The following MUC4 variants were observed in gnomAD, a reference collection of about 807,000 sequenced individuals.
MUC4 encodes the protein mucin-4.
Under a neutral mutation model 257.9 loss-of-function variants are expected in MUC4, and 202 were observed. The ratio of observed to expected loss-of-function variants is 0.78; its 90% confidence interval spans 0.70 to 0.88. The LOEUF (loss-of-function observed/expected upper bound fraction) is 0.88, where lower values mean the gene tolerates loss of function less well. MUC4 is among the 40% of genes least tolerant of loss of function. The pLI is 0.00. For missense variants in MUC4, 5,976 were observed against 6,513.7 expected (o/e 0.92, Z 2.84); for synonymous variants, 2,351 against 2,757.1 (o/e 0.85, Z 4.62).
At chr3:195,754,819 T>C (rs572943798) in intron 18 of MUC4, among the ~76,000 whole-genome samples, 31 of 18,092 alleles carry the variant, frequency 1.7e-3, no homozygotes, top group Middle Eastern at 0.029. Context: ...TGTATCCATG[T>C]GTGTATCCAT....
chr3:195,757,031 C>T lies in MUC4; in HGVS notation c.15168+116G>A, dbSNP rs895854887. ...AATCTGCTCTACTCACCTACCACTG[C>T]TCCACCCATCTCCCAACACAGACAC... On this transcript the variant is annotated intron_variant, in intron 18 of 24. Coordinates refer to ENST00000463781, the MANE Select transcript of MUC4 (RefSeq NM_018406.7). This position sits in a 1 kb window ranked among gnomAD's most constrained non-coding sequence, Gnocchi z 4.8. 4.7e-6 allele frequency: 5 copies of T among 1,067,462 alleles called. No homozygotes were observed. Among genetic ancestry groups the T allele is most frequent in the African/African-American group, 3.2e-5 (2 of 63,268 alleles). The allele number at this position is 1,067,462 out of a possible 1,614,324, so 66.1% of individuals were successfully genotyped here. A position where few individuals can be genotyped will look rare whatever the true frequency, so the allele number is the denominator to read the frequency against.
At chr3:195,762,004 A>AGGGCTGCCC in intron 14 of MUC4, 83 bp downstream of exon 14, 2 of 1,430,410 alleles carry the variant, frequency 1.4e-6, no homozygotes, top group South Asian at 2.6e-5. Flanking sequence ...GAGGCCGAGC[A>AGGGCTGCCC]GGGCTGCCCG....
chr3:195,758,992 G>C (rs1019663768), intron 17 of MUC4, 132 bp downstream of exon 17: 2 of 1,251,592 alleles, frequency 1.6e-6, no homozygotes, highest in Non-Finnish European at 1.1e-6. Context: ...CGGAAATGCC[G>C]GTCCTGGATA....
At chr3:195,754,845 G>A (rs1240633682) in intron 18 of MUC4, among the ~76,000 whole-genome samples, 1 of 151,644 alleles carries the variant, frequency 6.6e-6, no homozygotes, top group Non-Finnish European at 1.5e-5. Flanking sequence ...TATGTATCAT[G>A]TATGTATCCA....
chr3:195,771,090 G>A (rs77518494), intron 5 of MUC4, among the ~76,000 whole-genome samples: 38 of 148,056 alleles, frequency 2.6e-4, no homozygotes, highest in Admixed American at 4.1e-4. Context: ...GCCGGGTTGG[G>A]GTATTCCTGG....
Position 195,786,430 on chromosome 3 carries a change from C to G in MUC4, c.5150G>C (p.Ser1717Thr), listed in dbSNP as rs769820284. ...TGQATPLPVT[S>T]LSSVSTGDTT... The stretch of plus-strand genomic sequence containing the variant: ...GTCACCTGTGGATACTGAGGAAAGG[C>G]TGGTGACAGGAAGAGGGGTGGCCTG... The change falls in exon 2 of 25, where the codon AGC becomes ACC. Residue 1717 changes from serine (S) to threonine (T), a missense_variant. This residue lies in a region of MUC4 where 138 missense variants were observed against 107.8 expected (regional missense o/e 1.28). Transcript: ENST00000463781. 1 of 1,517,300 alleles carries G rather than the reference C, an allele frequency of 6.6e-7. No individual in the cohort carries two copies. The highest frequency in any genetic ancestry group is 1.2e-5 in the South Asian group (1 of 82,586). 94.0% of individuals were successfully genotyped at this position (1,517,300 alleles called of 1,614,324 possible).
intron 18 of MUC4, among the ~76,000 whole-genome samples, chr3:195,754,943 TC>T (rs1717346745): frequency 1.3e-5 from 2 of 150,800 alleles, no homozygotes; most frequent in Admixed American, 6.6e-5. Context: ...CATGTATGTA[TC>T]CATATGTGTG....
At chr3:195,800,391 C>T (rs753605985) in intron 1 of MUC4, among the ~76,000 whole-genome samples, 35 of 152,148 alleles carry the variant, frequency 2.3e-4, no homozygotes, top group African/African-American at 7.2e-4. Flanking sequence ...TTCCTGCTGC[C>T]GCAAATAGGA....
intron 22 of MUC4, 31 bp from the exon 23 acceptor site, chr3:195,751,143 G>A: frequency 6.0e-6 from 9 of 1,502,908 alleles, no homozygotes; most frequent in Non-Finnish European, 8.1e-6. Context: ...GAGGGGGGGT[G>A]GGGGGCTGGG....
chr3:195,795,976 G>C (rs183370936), intron 1 of MUC4, among the ~76,000 whole-genome samples: 5 of 151,538 alleles, frequency 3.3e-5, no homozygotes, highest in African/African-American at 1.2e-4. Context: ...ATACCAAAAA[G>C]TATGAAAACT....
At position 195,770,405 on chromosome 3, in the gene MUC4, G is replaced by A. The variant is rs769863146; in HGVS notation, c.13243-34C>T. The A allele has an allele frequency of 1.1e-5, 17 of 1,611,848 alleles. No homozygotes were observed. The African/African-American group carries it at 1.3e-4, about 13-fold the overall frequency. On this transcript the variant is annotated intron_variant, in intron 5 of 24. Coordinates refer to ENST00000463781, the MANE Select transcript of MUC4 (RefSeq NM_018406.7). ...GGAGGGCAGATGAAAACAAGCCAACGAGGGTCCCACTCCTACACATGGGCC... is the reference window on the plus strand; with the variant it reads ...GGAGGGCAGATGAAAACAAGCCAACAAGGGTCCCACTCCTACACATGGGCC...
intron 11 of MUC4, 25 bp from the exon 12 acceptor site, chr3:195,763,666 C>T (rs1719733081): frequency 6.8e-7 from 1 of 1,470,726 alleles, no homozygotes; most frequent in Non-Finnish European, 9.1e-7. Flanking sequence ...GAGATGCTGC[C>T]TCAGCATGAC....
chr3:195,762,531 G>GGGCCCTGCACCGCAACGCACCC (rs1560245966), intron 13 of MUC4, among the ~76,000 whole-genome samples: 6 of 93,880 alleles, frequency 6.4e-5, no homozygotes, highest in Non-Finnish European at 1.4e-4. Flanking sequence ...GCCACGCACC[G>GGGCCCTGCACCGCAACGCACCC]GGCCCTGCAC....
At chr3:195,761,988 G>T in intron 14 of MUC4, 99 bp downstream of exon 14, 1 of 1,351,712 alleles carries the variant, frequency 7.4e-7, no homozygotes, top group Non-Finnish European at 1.0e-6. Context: ...AGGAGGCGGA[G>T]AAAGGGAGGC....
chr3:195,753,340 C>G lies in MUC4; in HGVS notation c.15329-110G>C, dbSNP rs1438923491. On this transcript the variant is annotated intron_variant, in intron 19 of 24. Transcript: ENST00000463781. Reference sequence around the variant, plus strand: ...CTTGCTTTCCCCCAGTGTTCCACTTCGGGCCACTCGGAACCCCAAACCATC... The same window carrying G: ...CTTGCTTTCCCCCAGTGTTCCACTTGGGGCCACTCGGAACCCCAAACCATC... 1.3e-5 allele frequency: 14 copies of G among 1,105,392 alleles called. No individual in the cohort carries two copies. The Admixed American group carries it at 3.2e-4, about 26-fold the overall frequency. The allele number at this position is 1,105,392 out of a possible 1,614,324, so 68.5% of individuals were successfully genotyped here.
At chr3:195,794,208 C>G (rs1171118396) in intron 1 of MUC4, among the ~76,000 whole-genome samples, 1 of 151,880 alleles carries the variant, frequency 6.6e-6, no homozygotes. Context: ...GCACTAGCCA[C>G]ATACCATCTT....
Position 195,786,310 on chromosome 3 carries a change from T to G in MUC4, c.5270A>C (p.Gln1757Pro). ...GTCGGTGACAGGAAGAGGGGTGGCC[T>G]GACCTGTGGATGCTGAGGAAGCGTC... ...VTDASSASTG[Q>P]ATPLPVTDTS... is the part of the protein sequence containing the mutation. The change falls in exon 2 of 25, where the codon CAG becomes CCG. Residue 1757 changes from glutamine to proline, a missense_variant. Around this residue, in one of 44 missense-constraint regions of MUC4, gnomAD observed 138 missense variants for 107.8 expected, o/e 1.28. Coordinates refer to ENST00000463781, the MANE Select transcript of MUC4 (RefSeq NM_018406.7). The G allele has an allele frequency of 6.6e-7, 1 of 1,516,060 alleles. No individual in the cohort carries two copies. The highest frequency in any genetic ancestry group is 8.9e-7 in the Non-Finnish European group (1 of 1,124,182). 93.9% of individuals were successfully genotyped at this position (1,516,060 alleles called of 1,614,324 possible).
intron 5 of MUC4, chr3:195,770,987 G>A (rs1437181209): frequency 1.8e-5 from 7 of 381,230 alleles, no homozygotes; most frequent in East Asian, 1.5e-4. Flanking sequence ...TCTCGCGGCC[G>A]GGTTGGGGTA....
rs201110274 is a variant in MUC4, at chr3:195,761,034, G to A, written c.14698C>T (p.Gln4900Ter). Residue 4900 changes from glutamine (Q) to a stop codon, truncating the protein, a stop_gained, in exon 16 of 25, where the codon CAA becomes TAA. Coordinates refer to ENST00000463781, the MANE Select transcript of MUC4 (RefSeq NM_018406.7). LOFTEE classifies it high-confidence loss of function. ...NFTPVFYSQL[Q>*]KNSSWAEHLI... ...TGTTCAGCCCAGGAGCTGTTTTTTT[G>A]CAGTTGTGAGTAGAAAACAGGGGTG... is the stretch of plus-strand genomic sequence containing the variant. 11 of 1,613,984 alleles carry A rather than the reference G, an allele frequency of 6.8e-6. No individual in the cohort carries two copies. The highest frequency in any genetic ancestry group is 1.3e-5 in the African/African-American group (1 of 74,912).
Sources: gnomAD v4.1 joint callset for allele counts (sites outside exome capture counted in the v4.1 genomes callset) on GRCh38, gnomAD v4.1.1 for gene constraint, gnomAD v4.1.1 regional missense constraint, Gnocchi (gnomAD v3.1) non-coding constraint, MANE v1.5 for transcripts, NCBI Gene and HGNC (gene_info 2026-07-23, HGNC 2026-07-21) for gene names.